Variants in TMPRSS15 observed in about 807,000 individuals in gnomAD.
The protein encoded by TMPRSS15 is transmembrane serine protease 15.
TMPRSS15 carries 128 observed loss-of-function variants against 125.3 expected under a neutral mutation model. That is an observed-to-expected ratio of 1.02 (90% CI 0.89 to 1.18). TMPRSS15 has a LOEUF of 1.18. TMPRSS15 is among the 50% of genes most tolerant of loss of function. The pLI, the probability that TMPRSS15 is intolerant of heterozygous loss-of-function variation, is 0.00. For synonymous variants in TMPRSS15, 446 were observed against 423.2 expected, an observed-to-expected ratio of 1.05 and a Z score of -0.66; for missense variants, 1,283 against 1,212.7, an observed-to-expected ratio of 1.06 and a Z score of -0.86.
chr21:18,310,655 A>C (rs1911291957), intron 18 of TMPRSS15, among the ~76,000 whole-genome samples: 2 of 152,062 alleles, frequency 1.3e-5, no homozygotes. Context: ...AATGATAGGG[A>C]TTTAATGCAA....
chr21:18,441,987 G>A (rs973075301), intron 1 of TMPRSS15, among the ~76,000 whole-genome samples: 17 of 152,138 alleles, frequency 1.1e-4, no homozygotes, highest in Non-Finnish European at 2.1e-4. Flanking sequence ...CACCACACCC[G>A]GCCCAGGACA....
At chr21:18,290,730 A>G (rs999665907) in intron 21 of TMPRSS15, among the ~76,000 whole-genome samples, 2 of 152,174 alleles carry the variant, frequency 1.3e-5, no homozygotes, top group African/African-American at 4.8e-5. Context: ...TTAATGTTAA[A>G]TTTCCATGAT....
intron 24 of TMPRSS15, among the ~76,000 whole-genome samples, chr21:18,273,891 T>TA (rs1467668440): frequency 6.6e-6 from 1 of 152,230 alleles, no homozygotes; most frequent in African/African-American, 2.4e-5. Context: ...CAACTGAAGA[T>TA]ATTGATTTAA....
Position 18,365,135 on chromosome 21 carries a change from A to G in TMPRSS15, c.773+5T>C. ...AAGAACAGAAAATATAAGATCTTGT[A>G]TTACCGTATGATCCACTGGCAGACA... is the stretch of plus-strand genomic sequence containing the variant. On this transcript the variant is annotated splice_donor_5th_base_variant and intron_variant, in intron 7 of 24. Coordinates refer to ENST00000284885, the MANE Select transcript of TMPRSS15 (RefSeq NM_002772.3). 6.2e-7 allele frequency: 1 copy of G among 1,609,436 alleles called. No individual in the cohort carries two copies. The highest frequency in any genetic ancestry group is 1.1e-5 in the South Asian group (1 of 91,008).
chr21:18,468,624 T>A (rs1228743070), intron 1 of TMPRSS15, among the ~76,000 whole-genome samples: 1 of 152,198 alleles, frequency 6.6e-6, no homozygotes, highest in African/African-American at 2.4e-5. Context: ...AGAAGTCTCA[T>A]ATTTGATTTA....
At chr21:18,405,703 A>G (rs2076149141), upstream of TMPRSS15, among the ~76,000 whole-genome samples, 1 of 152,208 alleles carries the variant, frequency 6.6e-6, no homozygotes, top group Non-Finnish European at 1.5e-5. Context: ...TCTTCACATG[A>G]AGAACTTCAG....
chr21:18,398,375 G>A lies in TMPRSS15; in HGVS notation c.146-46C>T, dbSNP rs1172522158. The A allele has an allele frequency of 5.0e-6, 8 of 1,598,540 alleles. No homozygotes were observed. In the Admixed American group the frequency reaches 1.2e-4, roughly 23 times the overall value. On this transcript the variant is annotated intron_variant, in intron 1 of 24. Transcript: ENST00000284885. ...AAAACACTAAGATTTTGGATTATGA[G>A]TAGGAGAAAATATGCACATTCTGTT...
intron 1 of TMPRSS15, among the ~76,000 whole-genome samples, chr21:18,400,106 C>G (rs2076081356): frequency 6.6e-6 from 1 of 152,128 alleles, no homozygotes; most frequent in African/African-American, 2.4e-5. Context: ...TAATTCCATG[C>G]TAATGGATTG....
chr21:18,271,271 A>G (rs2146847993), intron 24 of TMPRSS15, among the ~76,000 whole-genome samples: 1 of 152,372 alleles, frequency 6.6e-6, no homozygotes, highest in Admixed American at 6.5e-5. Context: ...TTCAAGGATC[A>G]AAGTACATTT....
intron 1 of TMPRSS15, among the ~76,000 whole-genome samples, chr21:18,458,823 A>G (rs1978492264): frequency 6.6e-6 from 1 of 152,174 alleles, no homozygotes; most frequent in African/African-American, 2.4e-5. Context: ...ACAGCTGCCA[A>G]AAATACCATG....
intron 14 of TMPRSS15, among the ~76,000 whole-genome samples, chr21:18,330,974 A>G (rs961603435): frequency 9.3e-5 from 14 of 151,108 alleles, no homozygotes; most frequent in East Asian, 2.0e-4. Context: ...TCGGGAGGCC[A>G]AGGCAGGAGA....
At chr21:18,463,026 T>G (rs1978580169) in intron 1 of TMPRSS15, among the ~76,000 whole-genome samples, 1 of 151,376 alleles carries the variant, frequency 6.6e-6, no homozygotes, top group Non-Finnish European at 1.5e-5. Flanking sequence ...TTGTCAAATC[T>G]CTCACATAAT....
chr21:18,378,264 C>T (rs968493552), intron 5 of TMPRSS15, among the ~76,000 whole-genome samples: 1 of 152,054 alleles, frequency 6.6e-6, no homozygotes, highest in African/African-American at 2.4e-5. Context: ...ATTTGAGAGG[C>T]TGTAAATAAT....
chr21:18,331,888 G>C (rs1023965608), intron 14 of TMPRSS15, among the ~76,000 whole-genome samples, 196 bp downstream of exon 14: 1 of 152,190 alleles, frequency 6.6e-6, no homozygotes, highest in Non-Finnish European at 1.5e-5. Flanking sequence ...CATTAACACA[G>C]TGCCTGGCAT....
intron 1 of TMPRSS15, among the ~76,000 whole-genome samples, chr21:18,458,188 C>G (rs898306298): frequency 6.6e-6 from 1 of 152,044 alleles, no homozygotes; most frequent in African/African-American, 2.4e-5. Context: ...CTAACTCAGA[C>G]GCCATCTGGA....
In TMPRSS15 at chr21:18,481,086, T is replaced by C. The variant is rs188812926; in HGVS notation, c.10+4713A>G. On this transcript the variant is annotated intron_variant, in intron 1 of 7. Transcript: ENST00000422787. ...GATACAATGAAATCCAAGCTCAGAT[T>C]ACTAGGATTTGTATCCTGACTCTAC... Among the ~76,000 whole-genome samples the C allele has an allele frequency of 5.3e-5, 8 of 151,958 alleles. No individual in the cohort carries two copies. The East Asian group carries it at 1.6e-3, about 29-fold the overall frequency.
chr21:18,428,940 T>C (rs1012651020), intron 1 of TMPRSS15, among the ~76,000 whole-genome samples: 3 of 152,072 alleles, frequency 2.0e-5, no homozygotes, highest in Non-Finnish European at 2.9e-5. Context: ...CCTGGAAAAG[T>C]TGCAAACCCT....
intron 1 of TMPRSS15, among the ~76,000 whole-genome samples, chr21:18,473,698 T>C (rs1238817205): frequency 1.3e-5 from 2 of 152,090 alleles, no homozygotes; most frequent in Admixed American, 6.6e-5. Flanking sequence ...GAAGGTAAAA[T>C]TGGTTGTGCA....
chr21:18,295,207 C>A (rs1490947324), intron 19 of TMPRSS15, among the ~76,000 whole-genome samples: 2 of 152,128 alleles, frequency 1.3e-5, no homozygotes, highest in African/African-American at 2.4e-5. Context: ...ACGTAAGAAG[C>A]ACATATAAAA....
Sources: allele counts gnomAD v4.1 joint callset (sites outside exome capture counted in the v4.1 genomes callset), GRCh38; gene constraint gnomAD v4.1.1; transcripts MANE v1.5; gene names NCBI Gene and HGNC (gene_info 2026-07-23, HGNC 2026-07-21).